Variants in SLMAP observed in about 807,000 individuals in gnomAD.
The protein encoded by SLMAP is sarcolemmal membrane-associated protein.
SLMAP carries 44 observed loss-of-function variants against 128.8 expected under a neutral mutation model. The ratio of observed to expected loss-of-function variants is 0.34; its 90% CI spans 0.27 to 0.44. SLMAP has a LOEUF of 0.44. SLMAP is among the 20% of genes least tolerant of loss of function. SLMAP has a pLI of 1.00. For missense variants in SLMAP, 787 were observed against 985.3 expected, an observed-to-expected ratio of 0.80 and a Z score of 2.69; for synonymous variants, 327 against 348.8, an observed-to-expected ratio of 0.94 and a Z score of 0.70.
At chr3:57,869,632 A>T (rs1261085938) in intron 13 of SLMAP, among the ~76,000 whole-genome samples, 16 of 107,080 alleles carry the variant, frequency 1.5e-4, no homozygotes, top group Admixed American at 3.9e-4. Context: ...CATCTCTATT[A>T]TATATATATA....
intron 2 of SLMAP, among the ~76,000 whole-genome samples, chr3:57,760,827 A>G (rs949722931): frequency 5.9e-5 from 9 of 152,038 alleles, no homozygotes; most frequent in Non-Finnish European, 1.2e-4. Flanking sequence ...TCCTGGGTTC[A>G]AGTGATTCTC....
At chr3:57,926,495 A>G (rs748324594) in intron 24 of SLMAP, among the ~76,000 whole-genome samples, 2 of 152,212 alleles carry the variant, frequency 1.3e-5, no homozygotes, top group Non-Finnish European at 2.9e-5. Context: ...ATATAAATGT[A>G]TCCCATTTCT....
intron 2 of SLMAP, among the ~76,000 whole-genome samples, chr3:57,776,202 GGT>G (rs1206543208): frequency 6.6e-6 from 1 of 151,876 alleles, no homozygotes; most frequent in Non-Finnish European, 1.5e-5. Flanking sequence ...GGTTGGGCTG[GGT>G]AAATCTTAGT....
chr3:57,891,081 T>A (rs1017215194), intron 15 of SLMAP: 4 of 152,176 alleles, frequency 2.6e-5, no homozygotes, highest in Non-Finnish European at 5.9e-5. Flanking sequence ...TTAGTACATA[T>A]GGCAATTTTT....
chr3:57,830,791 A>G (rs924770391), intron 2 of SLMAP, among the ~76,000 whole-genome samples: 2 of 152,204 alleles, frequency 1.3e-5, no homozygotes, highest in African/African-American at 2.4e-5. Context: ...AGCTTTGCCT[A>G]TTCTGGATGT....
At chr3:57,769,000 T>C (rs558442527) in intron 2 of SLMAP, among the ~76,000 whole-genome samples, 13 of 152,170 alleles carry the variant, frequency 8.5e-5, no homozygotes, top group African/African-American at 2.9e-4. Context: ...TCTATATAAA[T>C]GTACATGCAA....
At chr3:57,851,783 C>T (rs1476693831) in intron 6 of SLMAP, among the ~76,000 whole-genome samples, 2 of 151,072 alleles carry the variant, frequency 1.3e-5, no homozygotes, top group Admixed American at 6.6e-5. Flanking sequence ...CCGCACCAGG[C>T]AAGATTGAGG....
At chr3:57,774,048 A>G (rs1186368960) in intron 2 of SLMAP, among the ~76,000 whole-genome samples, 1 of 152,222 alleles carries the variant, frequency 6.6e-6, no homozygotes, top group Non-Finnish European at 1.5e-5. Flanking sequence ...TGTCCAAGCA[A>G]AAGGTAGGTA....
chr3:57,810,550 G>A (rs2090775243), intron 2 of SLMAP, among the ~76,000 whole-genome samples: 1 of 152,148 alleles, frequency 6.6e-6, no homozygotes, highest in Admixed American at 6.5e-5. Flanking sequence ...TCCATTTAGA[G>A]CAAAACTTCT....
intron 8 of SLMAP, among the ~76,000 whole-genome samples, chr3:57,859,509 C>T (rs1013657169): frequency 3.9e-5 from 6 of 151,978 alleles, no homozygotes; most frequent in African/African-American, 9.7e-5. Context: ...GAGTTATGAT[C>T]GCAGAACTGC....
In SLMAP at chr3:57,810,079, C is replaced by A. The variant is rs1214362130; in HGVS notation, c.199-21304C>A. ...AAGCCAGGGCTGTGACTCTTTGGTTCCCTGTGGTTCCTGGAGGCTCCAAGC... is the reference window on the plus strand; with the variant it reads ...AAGCCAGGGCTGTGACTCTTTGGTTACCTGTGGTTCCTGGAGGCTCCAAGC... On this transcript the variant is annotated intron_variant, in intron 2 of 24. Coordinates refer to ENST00000671191, the MANE Select transcript of SLMAP (RefSeq NM_001377540.1). Among the ~76,000 whole-genome samples, 5 of 152,300 alleles carry A rather than the reference C, an allele frequency of 3.3e-5. No individual in the cohort carries two copies. In the East Asian group the frequency reaches 9.7e-4, roughly 29 times the overall value.
rs1238491371 is a variant in SLMAP, at chr3:57,869,651, TATATATATA to T, written c.1238-1974_1238-1966del. On this transcript the variant is annotated intron_variant, in intron 13 of 24. Transcript: ENST00000671191. ...TCTATTATATATATATATATATATATATATATATAATATATATAAACAAAACAAATTCTA... is the reference window on the plus strand; with the variant it reads ...TCTATTATATATATATATATATATATATATATATAAACAAAACAAATTCTA... Among the ~76,000 whole-genome samples the T allele has an allele frequency of 3.5e-3, 478 of 135,692 alleles. 3 individuals are homozygous for T. The highest frequency in any genetic ancestry group is 6.1e-3 in the Non-Finnish European group (391 of 63,876). 89.0% of individuals were successfully genotyped at this position (135,692 alleles called of 152,430 possible).
chr3:57,802,281 CT>C (rs869137271), intron 2 of SLMAP, among the ~76,000 whole-genome samples: 361 of 142,744 alleles, frequency 2.5e-3, no homozygotes, highest in Non-Finnish European at 2.5e-3. Context: ...TCTTTGTGTG[CT>C]TTTTTTTTTT....
chr3:57,905,253 C>T (rs1035516709), intron 17 of SLMAP, among the ~76,000 whole-genome samples: 9 of 152,178 alleles, frequency 5.9e-5, no homozygotes, highest in South Asian at 2.1e-4. Flanking sequence ...TATTCGAGTT[C>T]ATACCCTACA....
chr3:57,883,828 C>T (rs922904220), intron 14 of SLMAP, among the ~76,000 whole-genome samples: 94 of 152,026 alleles, frequency 6.2e-4, no homozygotes, highest in African/African-American at 2.2e-3. Flanking sequence ...GCACTTAATA[C>T]CTGTCAGGTA....
intron 13 of SLMAP, among the ~76,000 whole-genome samples, chr3:57,867,912 TATCTA>T (rs2095350132): frequency 6.6e-6 from 1 of 152,174 alleles, no homozygotes; most frequent in African/African-American, 2.4e-5. Context: ...TTGTGTGTCT[TATCTA>T]ATAAGCATAA....
At chr3:57,868,740 A>G (rs1399290294) in intron 13 of SLMAP, among the ~76,000 whole-genome samples, 12 of 148,090 alleles carry the variant, frequency 8.1e-5, no homozygotes, top group Admixed American at 7.6e-4. Flanking sequence ...ATTTAAAAAA[A>G]TTCTGGCAGC....
intron 2 of SLMAP, among the ~76,000 whole-genome samples, chr3:57,804,046 G>A (rs2089239819): frequency 6.6e-6 from 1 of 152,140 alleles, no homozygotes; most frequent in Admixed American, 6.5e-5. Context: ...AGTTAGTATA[G>A]CATAGTACAG....
intron 14 of SLMAP, among the ~76,000 whole-genome samples, chr3:57,877,012 T>C (rs1237190781): frequency 1.3e-5 from 2 of 152,098 alleles, no homozygotes; most frequent in Non-Finnish European, 2.9e-5. Flanking sequence ...ATCAGTGCCC[T>C]GAAGTAGACC....
Sources: allele counts gnomAD v4.1 joint callset (sites outside exome capture counted in the v4.1 genomes callset), GRCh38; gene constraint gnomAD v4.1.1; transcripts MANE v1.5; gene names NCBI Gene and HGNC (gene_info 2026-07-23, HGNC 2026-07-21).